FGFR1OP2: variants seen among roughly 807,000 people sequenced by gnomAD.
FGFR1OP2 encodes fibroblast growth factor receptor 1 oncogene partner 2.
In FGFR1OP2, 17 loss-of-function variants were observed where a neutral mutation model predicts 35.2. The observed-to-expected ratio is 0.48, with a 90% CI of 0.33 to 0.73. FGFR1OP2 has a LOEUF of 0.73. Ranked by LOEUF, FGFR1OP2 falls within the 30% of genes least tolerant of loss-of-function variation. The pLI, the probability that FGFR1OP2 is intolerant of heterozygous loss-of-function variation, is 0.02. For synonymous variants in FGFR1OP2, 105 were observed against 104.6 expected (o/e 1.00, Z -0.03); for missense variants, 251 against 307.3 (o/e 0.82, Z 1.37).
chr12:26,939,614 A>G (rs1565844844), intron 1 of FGFR1OP2, among the ~76,000 whole-genome samples: 1 of 152,104 alleles, frequency 6.6e-6, no homozygotes, highest in Non-Finnish European at 1.5e-5. Context: ...TTCATAAATC[A>G]TTGTCTTCTC....
intron 1 of FGFR1OP2, among the ~76,000 whole-genome samples, chr12:26,947,863 C>T (rs1840798555): frequency 1.3e-5 from 2 of 152,146 alleles, no homozygotes; most frequent in Non-Finnish European, 2.9e-5. Flanking sequence ...GCCATCTTAT[C>T]ATTTGTTTTC....
At chr12:26,955,863 T>C (rs1312607150) in intron 2 of FGFR1OP2, among the ~76,000 whole-genome samples, 5 of 152,230 alleles carry the variant, frequency 3.3e-5, no homozygotes, top group Non-Finnish European at 2.9e-5. Context: ...GGTCATATAA[T>C]AACTCTGTTA....
At chr12:26,957,772 A>G (rs1370156407) in intron 4 of FGFR1OP2, 29 bp downstream of exon 4, 9 of 1,563,488 alleles carry the variant, frequency 5.8e-6, no homozygotes, top group Admixed American at 1.9e-5. Context: ...GTGACCTGAA[A>G]TGGAAAAGAG....
Position 26,964,942 on chromosome 12 carries a change from A to G in FGFR1OP2, c.*209A>G. The G allele has an allele frequency of 2.2e-6, 1 of 464,294 alleles. No homozygotes were observed. Among genetic ancestry groups the G allele is most frequent in the African/African-American group, 1.9e-5 (1 of 52,150 alleles). The allele number at this position is 464,294 out of a possible 1,614,324, so 28.8% of individuals were successfully genotyped here. Reference sequence around the variant, plus strand: ...AAAATAGAAACTGAGCCATTGCCAAATGGTAAAGAAATGAAAAGTTTTCAC... The same window carrying G: ...AAAATAGAAACTGAGCCATTGCCAAGTGGTAAAGAAATGAAAAGTTTTCAC... On this transcript the variant is annotated 3_prime_UTR_variant, in exon 7 of 7. Transcript: ENST00000229395.
chr12:26,944,570 G>A (rs966070334), intron 1 of FGFR1OP2, among the ~76,000 whole-genome samples: 2 of 152,076 alleles, frequency 1.3e-5, no homozygotes, highest in Admixed American at 6.5e-5. Flanking sequence ...AACTCCCATT[G>A]GTCAGGGTAT....
At chr12:26,949,807 T>G (rs1467837965) in intron 1 of FGFR1OP2, among the ~76,000 whole-genome samples, 1 of 152,174 alleles carries the variant, frequency 6.6e-6, no homozygotes, top group East Asian at 1.9e-4. Flanking sequence ...CTCGAACTCC[T>G]GACCTCAGGT....
intron 1 of FGFR1OP2, among the ~76,000 whole-genome samples, chr12:26,939,820 C>T (rs536917648): frequency 6.6e-6 from 1 of 152,158 alleles, no homozygotes; most frequent in Non-Finnish European, 1.5e-5. Context: ...TTTATATATA[C>T]ATATGTATGT....
rs754285636 is a variant in FGFR1OP2, at chr12:26,963,296, T to TA, written c.511-40dup. ...TTATAAAAAGGAGAGGATCCAAAAA[T>TA]AAAAAAGTATTTTGCTGATTTCCAA... On this transcript the variant is annotated intron_variant, in intron 5 of 6. Transcript: ENST00000229395. The TA allele has an allele frequency of 7.6e-6, 10 of 1,315,902 alleles. No individual in the cohort carries two copies. In the African/African-American group the frequency reaches 1.2e-4, roughly 15 times the overall value. 81.5% of individuals were successfully genotyped at this position (1,315,902 alleles called of 1,614,324 possible).
At chr12:26,964,021 G>T (rs1291247739) in intron 6 of FGFR1OP2, among the ~76,000 whole-genome samples, 1 of 152,078 alleles carries the variant, frequency 6.6e-6, no homozygotes, top group African/African-American at 2.4e-5. Flanking sequence ...AATTATGAAA[G>T]GTTATTGTTA....
intron 1 of FGFR1OP2, among the ~76,000 whole-genome samples, chr12:26,946,021 T>C (rs1233636779): frequency 1.3e-5 from 2 of 152,212 alleles, no homozygotes; most frequent in African/African-American, 4.8e-5. Context: ...TTCATAAATA[T>C]CAATTCAAGC....
intron 2 of FGFR1OP2, among the ~76,000 whole-genome samples, chr12:26,955,058 A>G (rs1938997431): frequency 1.3e-5 from 2 of 152,178 alleles, no homozygotes; most frequent in Non-Finnish European, 2.9e-5. Flanking sequence ...AAGTTTAGTT[A>G]TTTGGTTTTA....
In FGFR1OP2 at chr12:26,964,788, A is replaced by G; in HGVS notation, c.*55A>G. ...TGGCTCCAAATGGTCAAATAAGTGAATGAATGAATGGACAGAAAATTCAAT... is the reference window on the plus strand; with the variant it reads ...TGGCTCCAAATGGTCAAATAAGTGAGTGAATGAATGGACAGAAAATTCAAT... On this transcript the variant is annotated 3_prime_UTR_variant, in exon 7 of 7. Transcript: ENST00000229395. 4 of 1,557,746 alleles carry G rather than the reference A, an allele frequency of 2.6e-6. 1 individual carries two copies. The highest frequency in any genetic ancestry group is 2.3e-5 in the South Asian group (2 of 88,678).
Position 26,947,157 on chromosome 12 carries a change from T to C in FGFR1OP2, c.-14-6988T>C, listed in dbSNP as rs1326271118. ...CATTTTCCTGGTATGTACCTAGGAGTGGAATTGTTGGATCACATGTTTAAC... is the reference window on the plus strand; with the variant it reads ...CATTTTCCTGGTATGTACCTAGGAGCGGAATTGTTGGATCACATGTTTAAC... On this transcript the variant is annotated intron_variant, in intron 1 of 6. Transcript: ENST00000229395. Among the ~76,000 whole-genome samples the C allele has an allele frequency of 2.6e-5, 4 of 152,096 alleles. No individual in the cohort carries two copies. In the East Asian group the frequency reaches 7.7e-4, roughly 29 times the overall value.
chr12:26,960,284 TG>T (rs1331422555), intron 4 of FGFR1OP2, among the ~76,000 whole-genome samples: 1 of 152,204 alleles, frequency 6.6e-6, no homozygotes, highest in Non-Finnish European at 1.5e-5. Flanking sequence ...TACAGAACTT[TG>T]CCCTTAACTA....
rs192027907 is a variant in FGFR1OP2 at position 26,950,376 on chromosome 12, C to T, written c.-14-3769C>T. Among the ~76,000 whole-genome samples the T allele has an allele frequency of 4.0e-5, 6 of 151,842 alleles. No individual in the cohort carries two copies. In the East Asian group the frequency reaches 1.2e-3, roughly 29 times the overall value. ...TAGCTGAGACTACAGGCGCATGCCACTACGCCCGGCTAATTTTTTTTTTGT... is the reference window on the plus strand; with the variant it reads ...TAGCTGAGACTACAGGCGCATGCCATTACGCCCGGCTAATTTTTTTTTTGT... On this transcript the variant is annotated intron_variant, in intron 1 of 6. Coordinates refer to ENST00000229395, the MANE Select transcript of FGFR1OP2 (RefSeq NM_015633.3).
intron 2 of FGFR1OP2, among the ~76,000 whole-genome samples, chr12:26,955,028 G>A (rs1056427645): frequency 2.6e-5 from 4 of 152,152 alleles, no homozygotes; most frequent in Admixed American, 2.0e-4. Context: ...TTTTAACAAA[G>A]CTACTGGAAA....
chr12:26,947,387 T>G (rs1176344071), intron 1 of FGFR1OP2, among the ~76,000 whole-genome samples: 1 of 152,174 alleles, frequency 6.6e-6, no homozygotes, highest in Admixed American at 6.5e-5. Context: ...TTGACTAATA[T>G]TTGTACAGTA....
At chr12:26,959,893 A>G (rs940830780) in intron 4 of FGFR1OP2, among the ~76,000 whole-genome samples, 2 of 152,162 alleles carry the variant, frequency 1.3e-5, no homozygotes, top group Non-Finnish European at 2.9e-5. Context: ...GGAGATACAG[A>G]CACAAACATA....
At chr12:26,941,556 G>A (rs955340794) in intron 1 of FGFR1OP2, among the ~76,000 whole-genome samples, 1 of 152,196 alleles carries the variant, frequency 6.6e-6, no homozygotes, top group African/African-American at 2.4e-5. Flanking sequence ...AATTTTAAAT[G>A]TAGTTGATTT....
Sources: allele counts gnomAD v4.1 joint callset (sites outside exome capture counted in the v4.1 genomes callset), GRCh38; gene constraint gnomAD v4.1.1; transcripts MANE v1.5; gene names NCBI Gene and HGNC (gene_info 2026-07-23, HGNC 2026-07-21).